Variants in GALNT13 observed in about 807,000 individuals in gnomAD.
GALNT13 encodes polypeptide N-acetylgalactosaminyltransferase 13.
In GALNT13, 28 loss-of-function variants were observed where a neutral mutation model predicts 64.2. The observed-to-expected ratio is 0.44, with a 90% confidence interval of 0.32 to 0.60. The LOEUF is 0.60. Ranked by LOEUF, GALNT13 falls within the 20% of genes least tolerant of loss-of-function variation. GALNT13 has a pLI of 0.05. For missense variants in GALNT13, 577 were observed against 669.8 expected, an observed-to-expected ratio of 0.86 and a Z score of 1.53; for synonymous variants, 214 against 224.6, an observed-to-expected ratio of 0.95 and a Z score of 0.42.
chr2:154,287,119 G>A (rs1692313975), intron 8 of GALNT13: 2 of 1,215,158 alleles, frequency 1.6e-6, no homozygotes, highest in Non-Finnish European at 2.4e-6. Flanking sequence ...GCATGTCCTT[G>A]ACACATCTGA....
chr2:154,298,562 ATTTATATATAAAT>A (rs1489374969), intron 8 of GALNT13, among the ~76,000 whole-genome samples: 5,869 of 63,066 alleles, frequency 0.093, 588 homozygotes, highest in Admixed American at 0.14. Context: ...TGTATATATA[ATTTATATATAAAT>A]TGTATATATA....
chr2:153,719,634 C>A, the GALNT13 span, among the ~76,000 whole-genome samples: 1 of 152,188 alleles, frequency 6.6e-6, no homozygotes, highest in African/African-American at 2.4e-5. Flanking sequence ...CAGGGCAAGG[C>A]ATTGCCTCAC....
chr2:153,503,262 A>C, the GALNT13 span, among the ~76,000 whole-genome samples: 1 of 152,086 alleles, frequency 6.6e-6, no homozygotes, highest in Non-Finnish European at 1.5e-5. Context: ...TGTATAATGT[A>C]AGACGATGAG....
At chr2:154,394,176 C>A (rs985648396) in intron 9 of GALNT13, among the ~76,000 whole-genome samples, 1 of 142,620 alleles carries the variant, frequency 7.0e-6, no homozygotes, top group African/African-American at 2.6e-5. Context: ...AGGACTTTAT[C>A]TTTTAGAGCA....
At chr2:153,843,458 C>T in the GALNT13 span, among the ~76,000 whole-genome samples, 1 of 152,184 alleles carries the variant, frequency 6.6e-6, no homozygotes, top group African/African-American at 2.4e-5. Context: ...CCACCAGACC[C>T]CACCTCTAGC....
the GALNT13 span, among the ~76,000 whole-genome samples, chr2:153,609,948 C>T: frequency 1.3e-5 from 2 of 152,106 alleles, no homozygotes; most frequent in Non-Finnish European, 2.9e-5. Context: ...AGGACCTTGG[C>T]AGCCTTCTTG....
chr2:154,418,365 A>G (rs1700112788), intron 11 of GALNT13, among the ~76,000 whole-genome samples: 1 of 152,158 alleles, frequency 6.6e-6, no homozygotes, highest in Admixed American at 6.6e-5. Context: ...TATTTTGTAG[A>G]CATGATTTTG....
intron 9 of GALNT13, among the ~76,000 whole-genome samples, chr2:154,392,392 A>C (rs1488131131): frequency 6.6e-6 from 1 of 152,212 alleles, no homozygotes; most frequent in East Asian, 1.9e-4. Flanking sequence ...GTGGTTAGGC[A>C]ATCATGACAG....
chr2:153,282,418 G>A, the GALNT13 span, among the ~76,000 whole-genome samples: 15 of 152,040 alleles, frequency 9.9e-5, no homozygotes, highest in Admixed American at 2.0e-4. Context: ...TAGCTAGTGT[G>A]ATCCTTTTTA....
the GALNT13 span, among the ~76,000 whole-genome samples, chr2:153,619,530 T>C: frequency 6.6e-6 from 1 of 152,270 alleles, no homozygotes; most frequent in South Asian, 2.1e-4. Context: ...CAAGTGATTA[T>C]TTATTGCTCA....
At chr2:154,024,376 T>G (rs555625028) in intron 3 of GALNT13, among the ~76,000 whole-genome samples, 3 of 152,340 alleles carry the variant, frequency 2.0e-5, no homozygotes, top group African/African-American at 7.2e-5. Context: ...CCCATATTTC[T>G]TGGAGGCTTT....
chr2:153,933,267 G>C (rs1256626684), intron 2 of GALNT13, among the ~76,000 whole-genome samples: 1 of 152,086 alleles, frequency 6.6e-6, no homozygotes, highest in Non-Finnish European at 1.5e-5. Flanking sequence ...TCTCTTTGTA[G>C]GTTCCTAAAA....
the GALNT13 span, among the ~76,000 whole-genome samples, chr2:153,089,194 T>C: frequency 6.6e-6 from 1 of 152,166 alleles, no homozygotes; most frequent in Non-Finnish European, 1.5e-5. Context: ...TCAGCATTTG[T>C]TTTTCTGAAA....
chr2:154,274,943 G>A (rs1311746707), intron 8 of GALNT13, among the ~76,000 whole-genome samples: 8 of 152,116 alleles, frequency 5.3e-5, no homozygotes, highest in Admixed American at 5.2e-4. Flanking sequence ...ACAAAGTCCA[G>A]GCTGAGGTGG....
At chr2:154,150,716 T>C (rs1026021766) in intron 4 of GALNT13, among the ~76,000 whole-genome samples, 6 of 152,226 alleles carry the variant, frequency 3.9e-5, no homozygotes, top group African/African-American at 1.2e-4. Context: ...TTTATTTGCA[T>C]AGAGGTGTTT....
chr2:153,116,936 A>G, the GALNT13 span, among the ~76,000 whole-genome samples: 1 of 150,580 alleles, frequency 6.6e-6, no homozygotes, highest in African/African-American at 2.4e-5. Context: ...AGTAGCTGGG[A>G]CTACAGGCGC....
the GALNT13 span, among the ~76,000 whole-genome samples, chr2:153,453,799 G>A: frequency 2.8e-4 from 43 of 152,136 alleles, no homozygotes; most frequent in South Asian, 3.3e-3. Flanking sequence ...TTATTCTACC[G>A]AAAAGACACA....
the GALNT13 span, among the ~76,000 whole-genome samples, chr2:153,231,936 T>C: frequency 2.0e-5 from 3 of 152,154 alleles, no homozygotes; most frequent in African/African-American, 7.2e-5. Context: ...TTGGAGACGA[T>C]CTTGTCTCCC....
chr2:153,648,773 G>A, the GALNT13 span, among the ~76,000 whole-genome samples: 3 of 152,044 alleles, frequency 2.0e-5, no homozygotes, highest in African/African-American at 7.3e-5. Flanking sequence ...TACGTTTATT[G>A]ATTTGCGTAT....
Sources: allele counts gnomAD v4.1 joint callset (sites outside exome capture counted in the v4.1 genomes callset), GRCh38; gene constraint gnomAD v4.1.1; transcripts MANE v1.5; gene names NCBI Gene and HGNC (gene_info 2026-07-23, HGNC 2026-07-21).